Variants in CEP192 observed in about 807,000 individuals in gnomAD.
CEP192 encodes centrosomal protein 192, also known as centrosomal protein of 192 kDa.
CEP192 carries 151 observed loss-of-function variants against 271.8 expected under a neutral mutation model. The observed-to-expected ratio is 0.56, with a 90% confidence interval of 0.49 to 0.64. The LOEUF (loss-of-function observed/expected upper bound fraction) is 0.64. Among genes scored for constraint, CEP192 ranks in the 30% least tolerant of loss-of-function variants. The pLI is 0.00. For missense variants in CEP192, 2,910 were observed against 3,020.5 expected (o/e 0.96, Z 0.86); for synonymous variants, 995 against 1,076.5 (o/e 0.92, Z 1.48).
chr18:13,058,799 G>C lies in CEP192; in HGVS notation c.4258-283G>C, dbSNP rs540369906. The stretch of plus-strand genomic sequence containing the variant: ...ACAGGGCTGTGAAAGAGTGACCTTT[G>C]TCAGTGTCCTTTTTAAGACAAGTGA... On this transcript the variant is annotated intron_variant, in intron 20 of 44. Transcript: ENST00000506447. 4.7e-5 allele frequency: 19 copies of C among 407,222 alleles called. 1 individual carries two copies. The highest frequency in any genetic ancestry group is 4.6e-4 in the South Asian group (19 of 41,492). 25.2% of individuals were successfully genotyped at this position (407,222 alleles called of 1,614,324 possible).
chr18:13,053,885 T>A (rs1568342792), intron 18 of CEP192, among the ~76,000 whole-genome samples: 1 of 152,070 alleles, frequency 6.6e-6, no homozygotes, highest in East Asian at 1.9e-4. Context: ...AGAAACAGCT[T>A]CTTGCCATGT....
intron 36 of CEP192, among the ~76,000 whole-genome samples, chr18:13,098,406 G>T (rs560300418): frequency 2.0e-5 from 3 of 150,292 alleles, no homozygotes; most frequent in African/African-American, 7.3e-5. Flanking sequence ...GGGCGGAGGG[G>T]CTCCTCACTT....
chr18:13,096,160 C>T (rs1263342861), intron 35 of CEP192, 24 bp from the exon 36 acceptor site: 1 of 1,611,832 alleles, frequency 6.2e-7, no homozygotes, highest in Non-Finnish European at 8.5e-7. Context: ...ATGTAAGTCA[C>T]ATTTTATGTA....
chr18:13,008,782 C>T (rs1041357093), intron 4 of CEP192, among the ~76,000 whole-genome samples, 151 bp downstream of exon 4: 4 of 151,066 alleles, frequency 2.6e-5, no homozygotes, highest in African/African-American at 7.3e-5. Context: ...CAGCTCACTG[C>T]AGCCTCAACT....
chr18:13,003,155 A>G (rs2033753648), intron 3 of CEP192, among the ~76,000 whole-genome samples: 1 of 152,210 alleles, frequency 6.6e-6, no homozygotes, highest in African/African-American at 2.4e-5. Context: ...CATTATGGAC[A>G]TAAGATATGA....
chr18:13,038,767 A>G (rs993005341), intron 13 of CEP192, among the ~76,000 whole-genome samples, 188 bp downstream of exon 13: 2 of 152,202 alleles, frequency 1.3e-5, no homozygotes, highest in Non-Finnish European at 2.9e-5. Flanking sequence ...ATTCTGGGAC[A>G]TTGAGCAATT....
At position 13,071,199 on chromosome 18, in the gene CEP192, C is replaced by G. The variant is rs2037993727; in HGVS notation, c.5335C>G (p.Leu1779Val). The G allele has an allele frequency of 1.9e-6, 3 of 1,613,594 alleles. No individual in the cohort carries two copies. The highest frequency in any genetic ancestry group is 2.5e-6 in the Non-Finnish European group (3 of 1,179,650). Residue 1779 changes from leucine to valine, a missense_variant, in exon 28 of 45, where the codon CTA becomes GTA. Leu to Val is a conservative substitution (Grantham distance 32). Transcript: ENST00000506447. ...KQFLAWGGVP[L>V]GRTQLQKLAL... ...ATTTCTGGCTTGGGGAGGAGTCCCT[C>G]TAGGTAGAACACAGTAAGTGTCAAA...
chr18:13,054,076 C>T (rs540567120), intron 18 of CEP192, among the ~76,000 whole-genome samples: 1 of 152,302 alleles, frequency 6.6e-6, no homozygotes, highest in African/African-American at 2.4e-5. Context: ...GATCTTCCTG[C>T]CTTGGCCTCC....
At chr18:13,095,731 C>T in intron 35 of CEP192, 50 bp downstream of exon 35, 2 of 1,520,100 alleles carry the variant, frequency 1.3e-6, no homozygotes, top group Non-Finnish European at 1.8e-6. Flanking sequence ...GCGTCCGGGC[C>T]TGCACTCCCA....
rs2037809749 is a variant in CEP192, at chr18:13,068,104, C to G, written c.4625C>G (p.Ala1542Gly). ...IRLIINANAV[A>G]WRCFTFSKES... Reference sequence around the variant, plus strand: ...TGTATTTCTAAACAGAACGCTGTAGCCTGGCGCTGTTTCACGTTTTCCAAG... The same window carrying G: ...TGTATTTCTAAACAGAACGCTGTAGGCTGGCGCTGTTTCACGTTTTCCAAG... The change falls in exon 23 of 45, where the codon GCC becomes GGC. Residue 1542 changes from alanine to glycine, a missense_variant. By Grantham distance (60) the Ala-to-Gly change is moderately conservative (BLOSUM62 0). Coordinates refer to ENST00000506447, the MANE Select transcript of CEP192 (RefSeq NM_032142.4). 2 of 1,614,182 alleles carry G rather than the reference C, an allele frequency of 1.2e-6. No homozygotes were observed. Among genetic ancestry groups the G allele is most frequent in the East Asian group, 4.5e-5 (2 of 44,888 alleles).
chr18:13,011,931 A>G (rs1298663919), intron 4 of CEP192, among the ~76,000 whole-genome samples: 3 of 152,248 alleles, frequency 2.0e-5, no homozygotes, highest in Admixed American at 2.0e-4. Context: ...GACAAAGAAA[A>G]TGTAGTATGG....
chr18:13,103,965 C>G (rs1255679248), intron 39 of CEP192: 2 of 427,666 alleles, frequency 4.7e-6, no homozygotes, highest in South Asian at 3.4e-5. Flanking sequence ...GCTGGGATTA[C>G]AGGTGTGAGC....
At chr18:13,033,482 C>T (rs572385445) in intron 11 of CEP192, among the ~76,000 whole-genome samples, 25 of 152,182 alleles carry the variant, frequency 1.6e-4, no homozygotes, top group Admixed American at 1.0e-3. Flanking sequence ...TTCTTGGCAC[C>T]GCGTCTACCT....
At chr18:13,046,777 G>A (rs1240172761) in intron 15 of CEP192, among the ~76,000 whole-genome samples, 1 of 147,638 alleles carries the variant, frequency 6.8e-6, no homozygotes. Flanking sequence ...TAAATAACCA[G>A]TATTTCTGAT....
chr18:13,103,901 G>T (rs1371889286), intron 39 of CEP192: 2 of 467,406 alleles, frequency 4.3e-6, no homozygotes, highest in East Asian at 1.3e-4. Context: ...CACTGCCCAG[G>T]CTGGTCTCGA....
intron 17 of CEP192, among the ~76,000 whole-genome samples, chr18:13,052,114 C>T (rs375130628): frequency 1.6e-4 from 24 of 152,190 alleles, no homozygotes; most frequent in Non-Finnish European, 4.4e-5. Flanking sequence ...CCTTGCATCT[C>T]GGCTGGCAGC....
chr18:13,055,372 G>T (rs1345836619), intron 18 of CEP192, among the ~76,000 whole-genome samples: 1 of 151,988 alleles, frequency 6.6e-6, no homozygotes, highest in African/African-American at 2.4e-5. Context: ...AGCCTGCTGA[G>T]CCGCCGCCTG....
At chr18:13,056,729 T>C in intron 19 of CEP192, 31 bp downstream of exon 19, 1 of 1,497,590 alleles carries the variant, frequency 6.7e-7, no homozygotes, top group Non-Finnish European at 9.0e-7. Context: ...TATTATTACT[T>C]GCTATTATTT....
intron 2 of CEP192, among the ~76,000 whole-genome samples, chr18:13,000,091 C>CTCTCTTTTT (rs1555698196): frequency 0.02 from 1,512 of 76,624 alleles, 222 homozygotes; most frequent in Non-Finnish European, 0.026. Context: ...TGTCTTCTCT[C>CTCTCTTTTT]TTTTTTTTTT....
Sources: allele counts gnomAD v4.1 joint callset (sites outside exome capture counted in the v4.1 genomes callset), GRCh38; gene constraint gnomAD v4.1.1; transcripts MANE v1.5; gene names NCBI Gene and HGNC (gene_info 2026-07-23, HGNC 2026-07-21).